The following ADAMTS8 variants were observed in gnomAD, a reference collection of about 807,000 sequenced individuals.
ADAMTS8 encodes the protein ADAM metallopeptidase with thrombospondin type 1 motif 8, also known as A disintegrin and metalloproteinase with thrombospondin motifs 8.
Under a neutral mutation model 64.4 loss-of-function variants are expected in ADAMTS8, and 50 were observed. The observed-to-expected ratio is 0.78, with a 90% CI of 0.62 to 0.98. The LOEUF is 0.98. ADAMTS8 is among the 50% of genes least tolerant of loss of function. The pLI, the probability that ADAMTS8 is intolerant of heterozygous loss-of-function variation, is 0.00. For missense variants in ADAMTS8, 1,192 were observed against 1,208.2 expected (o/e 0.99, Z 0.20); for synonymous variants, 556 against 533.6 (o/e 1.04, Z -0.58).
chr11:130,408,068 G>T (rs945906663), intron 8 of ADAMTS8, among the ~76,000 whole-genome samples: 2 of 152,146 alleles, frequency 1.3e-5, no homozygotes, highest in South Asian at 4.1e-4. Context: ...GGCTTGCCAG[G>T]CTTAGGGTGA....
chr11:130,407,519 C>T (rs879739992), intron 8 of ADAMTS8, among the ~76,000 whole-genome samples: 6 of 152,112 alleles, frequency 3.9e-5, no homozygotes, highest in East Asian at 1.9e-4. Context: ...GCAGGGTTTG[C>T]GAGCTTCACT....
rs1565382211 is a variant in ADAMTS8 at position 130,427,626 on chromosome 11, CGA to C, written c.659_660del (p.Phe220CysfsTer56). On this transcript the variant is annotated frameshift_variant, in exon 1 of 9. Transcript: ENST00000257359. LOFTEE classifies it high-confidence loss of function. ...RTKRFVSEAR[F>X]VETLLVADAS... ...GCATCGGCCACCAGCAGCGTCTCCA[CGA>C]AGCGCGCCTCAGACACAAACCGCTT... 6.4e-7 allele frequency: 1 copy of C among 1,565,124 alleles called. No individual in the cohort carries two copies.
rs1216705962 is a variant in ADAMTS8, at chr11:130,416,155, G to A, written c.1264+8C>T. On this transcript the variant is annotated splice_region_variant and intron_variant, in intron 4 of 8. Coordinates refer to ENST00000257359, the MANE Select transcript of ADAMTS8 (RefSeq NM_007037.6). The surrounding 1 kb of genome is among the most constrained non-coding windows in gnomAD (Gnocchi z 4.8). ...GGGGACAAGTAGGGCGGGGCCGCCG[G>A]TGCCTACCGTGCCCGCCGTCCAGAA... 3 of 1,566,970 alleles carry A rather than the reference G, an allele frequency of 1.9e-6. No individual in the cohort carries two copies. The highest frequency in any genetic ancestry group is 3.6e-5 in the Admixed American group (2 of 55,988).
chr11:130,404,938 A>T lies in ADAMTS8; in HGVS notation c.*620T>A. 3.1e-6 allele frequency: 3 copies of T among 969,166 alleles called. No homozygotes were observed. Among genetic ancestry groups the T allele is most frequent in the Non-Finnish European group, 3.7e-6 (3 of 814,682 alleles). 60.0% of individuals were successfully genotyped at this position (969,166 alleles called of 1,614,324 possible). On this transcript the variant is annotated 3_prime_UTR_variant, in exon 9 of 9. Coordinates refer to ENST00000257359, the MANE Select transcript of ADAMTS8 (RefSeq NM_007037.6). ...GACCACTGCATTGGCATAAGATCAC[A>T]CTTTAGTTCAGAGACACATTTGCAT...
chr11:130,424,121 A>G (rs1862133327), intron 1 of ADAMTS8, among the ~76,000 whole-genome samples: 1 of 152,110 alleles, frequency 6.6e-6, no homozygotes. Flanking sequence ...GGATTTAAAG[A>G]CCCACTCCCA....
chr11:130,414,296 T>A (rs1262868538), intron 5 of ADAMTS8, among the ~76,000 whole-genome samples: 1 of 151,772 alleles, frequency 6.6e-6, no homozygotes, highest in African/African-American at 2.4e-5. Flanking sequence ...ACCTATTTTT[T>A]ATTTTTTTGT....
intron 1 of ADAMTS8, among the ~76,000 whole-genome samples, chr11:130,420,180 C>T (rs948529513): frequency 6.6e-6 from 1 of 152,162 alleles, no homozygotes; most frequent in African/African-American, 2.4e-5. Context: ...TTCGTTCCCT[C>T]CTGACTGGGG....
In ADAMTS8 at chr11:130,415,294, C is replaced by A. The variant is rs115681260; in HGVS notation, c.1265-462G>T. On this transcript the variant is annotated intron_variant, in intron 4 of 8. Coordinates refer to ENST00000257359, the MANE Select transcript of ADAMTS8 (RefSeq NM_007037.6). ...ACTTAAAATTGTTTTTTCTTTAATC[C>A]CCTCTTCTGAGAAGCAATTTTTTTT... 4.6e-3 allele frequency among the ~76,000 whole-genome samples: 702 copies of A among 152,166 alleles called. 11 individuals carry two copies. The highest frequency in any genetic ancestry group is 0.017 in the African/African-American group (690 of 41,514).
chr11:130,427,755 C>CCTGCCT lies in ADAMTS8; in HGVS notation c.526_531dup (p.Arg176_Gln177dup). 1 of 1,596,308 alleles carries CCTGCCT rather than the reference C, an allele frequency of 6.3e-7. No homozygotes were observed. On this transcript the variant is annotated inframe_insertion, in exon 1 of 9. Transcript: ENST00000257359. ...CTGTCCTCCTGGTGGTCTCCTCTCT[C>CCTGCCT]CTGCCTCTGACCCTCTCCCGTCTCC... is the stretch of plus-strand genomic sequence containing the variant.
chr11:130,420,545 C>T (rs186133757), intron 1 of ADAMTS8, among the ~76,000 whole-genome samples: 2 of 152,076 alleles, frequency 1.3e-5, no homozygotes, highest in East Asian at 1.9e-4. Flanking sequence ...CTCTTCCTCT[C>T]CTCCTGTGGT....
intron 8 of ADAMTS8, 27 bp from the exon 9 acceptor site, chr11:130,406,155 TA>T: frequency 6.3e-7 from 1 of 1,583,876 alleles, no homozygotes; most frequent in East Asian, 2.3e-5. Flanking sequence ...AGGACACCCT[TA>T]GACCAGTGGC....
At chr11:130,422,288 T>G (rs1354941163) in intron 1 of ADAMTS8, among the ~76,000 whole-genome samples, 1 of 151,850 alleles carries the variant, frequency 6.6e-6, no homozygotes, top group Non-Finnish European at 1.5e-5. Context: ...TAAAAAAAAA[T>G]AACAACACCC....
At chr11:130,409,332 C>T (rs551017570) in intron 6 of ADAMTS8, among the ~76,000 whole-genome samples, 114 of 152,246 alleles carry the variant, frequency 7.5e-4, no homozygotes, top group South Asian at 6.6e-3. Context: ...TCAGTGACAC[C>T]GGACATGAAT....
At position 130,416,652 on chromosome 11, in the gene ADAMTS8, T is replaced by G. The variant is rs1862029194; in HGVS notation, c.1096+288A>C. 6.6e-6 allele frequency among the ~76,000 whole-genome samples: 1 copy of G among 152,172 alleles called. No individual in the cohort carries two copies. The highest frequency in any genetic ancestry group is 2.4e-5 in the African/African-American group (1 of 41,444). On this transcript the variant is annotated intron_variant, in intron 3 of 8. Coordinates refer to ENST00000257359, the MANE Select transcript of ADAMTS8 (RefSeq NM_007037.6). The surrounding 1 kb of genome is among the most constrained non-coding windows in gnomAD (Gnocchi z 4.8). ...CTTAGCTTGTGCACAGCTCCACGCC[T>G]CCACCCCAGCACGTGTCTGGTGTCC...
At position 130,414,573 on chromosome 11, in the gene ADAMTS8, T is replaced by C. The variant is rs1031437082; in HGVS notation, c.1524A>G (p.Ser508=). ...GTPCGPGHLC[S]EGSCLPEEEV... ...CCTCCTCAGGTAGACAGCTGCCTTCTGAGCAGAGGTGCCCAGGCCCGCACG... is the reference window on the plus strand; with the variant it reads ...CCTCCTCAGGTAGACAGCTGCCTTCCGAGCAGAGGTGCCCAGGCCCGCACG... The change falls in exon 5 of 9, where the codon TCA becomes TCG. Residue 508 remains serine (S), a synonymous_variant. Coordinates refer to ENST00000257359, the MANE Select transcript of ADAMTS8 (RefSeq NM_007037.6). 12 of 1,610,804 alleles carry C rather than the reference T, an allele frequency of 7.4e-6. No homozygotes were observed. Among genetic ancestry groups the C allele is most frequent in the Non-Finnish European group, 1.0e-5 (12 of 1,178,052 alleles).
rs761739078 is a variant in ADAMTS8, at chr11:130,411,499, G to A, written c.1668C>T (p.Pro556=). The A allele has an allele frequency of 8.1e-6, 13 of 1,614,124 alleles. No individual in the cohort carries two copies. The highest frequency in any genetic ancestry group is 1.6e-4 in the Middle Eastern group (1 of 6,062). ...AGTATCTTCCTCCATTCTGAGGCTC[G>A]GGGTCCTTGCACTCACGGTGTGAAA... The part of the protein sequence containing the change: ...VQFSHRECKD[P]EPQNGGRYCL... The change falls in exon 6 of 9, where the codon CCC becomes CCT. Residue 556 remains proline (P), a synonymous_variant. Coordinates refer to ENST00000257359, the MANE Select transcript of ADAMTS8 (RefSeq NM_007037.6). This position sits in a 1 kb window ranked among gnomAD's most constrained non-coding sequence, Gnocchi z 4.2.
chr11:130,428,342 C>A lies in ADAMTS8; in HGVS notation c.-56G>T. 1 of 1,260,358 alleles carries A rather than the reference C, an allele frequency of 7.9e-7. No individual in the cohort carries two copies. Among genetic ancestry groups the A allele is most frequent in the South Asian group, 1.8e-5 (1 of 56,678 alleles). 78.1% of individuals were successfully genotyped at this position (1,260,358 alleles called of 1,614,324 possible). ...AGGGAAGAAGCCCGCCAGGCGCGGG[C>A]AGGTGCTGGCGGCCCGAGCGCGGCC... On this transcript the variant is annotated 5_prime_UTR_variant, in exon 1 of 9. Coordinates refer to ENST00000257359, the MANE Select transcript of ADAMTS8 (RefSeq NM_007037.6).
chr11:130,421,209 C>T (rs932202971), intron 1 of ADAMTS8, among the ~76,000 whole-genome samples: 2 of 152,124 alleles, frequency 1.3e-5, no homozygotes, highest in African/African-American at 4.8e-5. Flanking sequence ...TTGAGCAGAT[C>T]GGAGGGAGGC....
At chr11:130,417,099 A>C (rs1862036928) in intron 2 of ADAMTS8, 24 bp from the exon 3 acceptor site, 1 of 1,612,942 alleles carries the variant, frequency 6.2e-7, no homozygotes, top group Non-Finnish European at 8.5e-7. Flanking sequence ...AGAGAGCAAG[A>C]GAGTGCATCA....
Sources: allele counts gnomAD v4.1 joint callset (sites outside exome capture counted in the v4.1 genomes callset), GRCh38; gene constraint gnomAD v4.1.1; non-coding constraint Gnocchi (gnomAD v3.1); transcripts MANE v1.5; gene names NCBI Gene and HGNC (gene_info 2026-07-23, HGNC 2026-07-21).